The following MYH9 variants were observed in gnomAD, a reference collection of about 807,000 sequenced individuals.
The protein encoded by MYH9 is myosin-9.
Under a neutral mutation model 241.9 loss-of-function variants are expected in MYH9, and 29 were observed. The observed-to-expected ratio is 0.12, with a 90% CI of 0.09 to 0.16. The LOEUF is 0.16. MYH9 is among the 10% of genes least tolerant of loss of function. The probability of loss-of-function intolerance (pLI) is 1.00; values close to 1 mark genes in which losing one functional copy is unlikely to be tolerated. For synonymous variants in MYH9, 1,047 were observed against 1,062.6 expected, an observed-to-expected ratio of 0.99 and a Z score of 0.29; for missense variants, 1,803 against 2,595.5, an observed-to-expected ratio of 0.69 and a Z score of 6.63.
intron 10 of MYH9, among the ~76,000 whole-genome samples, chr22:36,318,621 G>A (rs1038774012): frequency 1.5e-4 from 23 of 152,132 alleles, no homozygotes; most frequent in Admixed American, 1.4e-3. Context: ...CTGGCTGGAG[G>A]CCACAGCGGC....
rs994758005 is a variant in MYH9, at chr22:36,300,836, G to A, written c.2838+15C>T. ...CCTCCGGCGCCACCCCTCCCCGGGT[G>A]CAGCGGGCAGGAACCTGGATGTTCT... On this transcript the variant is annotated intron_variant, in intron 22 of 40. Transcript: ENST00000216181. The surrounding 1 kb of genome is among the most constrained non-coding windows in gnomAD (Gnocchi z 5.0). 1 of 1,599,554 alleles carries A rather than the reference G, an allele frequency of 6.3e-7. No individual in the cohort carries two copies. Among genetic ancestry groups the A allele is most frequent in the Non-Finnish European group, 8.5e-7 (1 of 1,179,842 alleles).
At chr22:36,328,591 T>C (rs1424727426) in intron 3 of MYH9, among the ~76,000 whole-genome samples, 6 of 152,110 alleles carry the variant, frequency 3.9e-5, no homozygotes, top group African/African-American at 9.7e-5. Flanking sequence ...GTTTGAAAAA[T>C]AGAAATAACA....
intron 3 of MYH9, among the ~76,000 whole-genome samples, chr22:36,327,970 C>T (rs1039740926): frequency 3.9e-5 from 6 of 152,208 alleles, no homozygotes; most frequent in Non-Finnish European, 5.9e-5. Context: ...GGCTTTGCAA[C>T]GGGACAGCCC....
chr22:36,311,470 G>A (rs2017062572), intron 14 of MYH9, among the ~76,000 whole-genome samples: 1 of 146,484 alleles, frequency 6.8e-6, no homozygotes, highest in Non-Finnish European at 1.5e-5. Context: ...AGCCAGGGAT[G>A]CTGGTAAACA....
rs181932742 is a variant in MYH9 at position 36,321,897 on chromosome 22, C to T, written c.706-76G>A. ...CTAGAGAGCACGGGGGAGACCACAG[C>T]CCCCCGCCCCACCTCCGGTGGGCAC... On this transcript the variant is annotated intron_variant, in intron 6 of 40. Coordinates refer to ENST00000216181, the MANE Select transcript of MYH9 (RefSeq NM_002473.6). 2.3e-6 allele frequency: 3 copies of T among 1,276,744 alleles called. No homozygotes were observed. In the African/African-American group the frequency reaches 4.4e-5, roughly 19 times the overall value. The allele number at this position is 1,276,744 out of a possible 1,614,324, so 79.1% of individuals were successfully genotyped here.
At position 36,320,901 on chromosome 22, in the gene MYH9, G is replaced by A; in HGVS notation, c.770-5C>T. The A allele has an allele frequency of 6.2e-7, 1 of 1,612,616 alleles. No individual in the cohort carries two copies. The highest frequency in any genetic ancestry group is 8.5e-7 in the Non-Finnish European group (1 of 1,178,990). The stretch of plus-strand genomic sequence containing the variant: ...CACGAGATTTCTCCAAAAGATCTTT[G>A]CAAATATTAAGGAGCAACACAAGCT... On this transcript the variant is annotated splice_region_variant and splice_polypyrimidine_tract_variant and intron_variant, in intron 7 of 40. Coordinates refer to ENST00000216181, the MANE Select transcript of MYH9 (RefSeq NM_002473.6). This position sits in a 1 kb window ranked among gnomAD's most constrained non-coding sequence, Gnocchi z 4.8.
intron 3 of MYH9, among the ~76,000 whole-genome samples, chr22:36,335,738 GA>G: frequency 6.6e-6 from 1 of 152,332 alleles, no homozygotes; most frequent in African/African-American, 2.4e-5. Context: ...CAGAGAAAAT[GA>G]GGGGCACCAA....
At chr22:36,363,542 A>T (rs912962798) in intron 1 of MYH9, among the ~76,000 whole-genome samples, 2 of 152,204 alleles carry the variant, frequency 1.3e-5, no homozygotes, top group Non-Finnish European at 2.9e-5. Context: ...GAGGCCAGGC[A>T]GACAGACCTA....
At chr22:36,386,502 G>C (rs1466622126) in intron 1 of MYH9, among the ~76,000 whole-genome samples, 2 of 152,184 alleles carry the variant, frequency 1.3e-5, no homozygotes, top group Non-Finnish European at 2.9e-5. Flanking sequence ...TGCGCTGCAC[G>C]GAGAAGGAGC....
intron 1 of MYH9, among the ~76,000 whole-genome samples, chr22:36,385,228 G>T (rs1214383993): frequency 6.6e-6 from 1 of 151,714 alleles, no homozygotes; most frequent in Non-Finnish European, 1.5e-5. Flanking sequence ...CCAAGAGAAG[G>T]GTAGGGCCAG....
rs555221852 is a variant in MYH9, at chr22:36,309,496, G to C, written c.1729-100C>G. 4.7e-6 allele frequency: 4 copies of C among 844,710 alleles called. No homozygotes were observed. The East Asian group carries it at 7.5e-5, about 16-fold the overall frequency. 52.3% of individuals were successfully genotyped at this position (844,710 alleles called of 1,614,324 possible). A position where few individuals can be genotyped will look rare whatever the true frequency, so the allele number is the denominator to read the frequency against. Reference sequence around the variant, plus strand: ...GCTAACCCCATGCATGGAAAAGTCAGAAAACGTGAAGACCCTTTGATCCAG... The same window carrying C: ...GCTAACCCCATGCATGGAAAAGTCACAAAACGTGAAGACCCTTTGATCCAG... On this transcript the variant is annotated intron_variant, in intron 14 of 40. Transcript: ENST00000216181.
chr22:36,300,842 G>T lies in MYH9; in HGVS notation c.2838+9C>A. 6.3e-7 allele frequency: 1 copy of T among 1,599,984 alleles called. No individual in the cohort carries two copies. On this transcript the variant is annotated intron_variant, in intron 22 of 40. Transcript: ENST00000216181. This position sits in a 1 kb window ranked among gnomAD's most constrained non-coding sequence, Gnocchi z 5.0. The stretch of plus-strand genomic sequence containing the variant: ...GCGCCACCCCTCCCCGGGTGCAGCG[G>T]GCAGGAACCTGGATGTTCTGCTGCA...
In MYH9 at chr22:36,281,647, G is replaced by A. The variant is rs1280496372; in HGVS notation, c.*1021C>T. 1.3e-5 allele frequency: 3 copies of A among 230,298 alleles called. No individual in the cohort carries two copies. Among genetic ancestry groups the A allele is most frequent in the South Asian group, 1.8e-4 (1 of 5,488 alleles). The allele number at this position is 230,298 out of a possible 1,614,324, so 14.3% of individuals were successfully genotyped here. On this transcript the variant is annotated 3_prime_UTR_variant, in exon 41 of 41. Transcript: ENST00000216181. ...TAAACAAAGGCAGTGAGAAAGACTC[G>A]GAATTTTATCATTTATTACAAGAAA...
chr22:36,327,852 G>A (rs1161099537), intron 3 of MYH9, among the ~76,000 whole-genome samples: 2 of 152,166 alleles, frequency 1.3e-5, no homozygotes, highest in Non-Finnish European at 2.9e-5. Flanking sequence ...AACGGGGTGG[G>A]GGGCTGAAGC....
intron 1 of MYH9, among the ~76,000 whole-genome samples, chr22:36,363,764 T>C (rs1415189101): frequency 6.6e-6 from 1 of 152,170 alleles, no homozygotes; most frequent in Non-Finnish European, 1.5e-5. Context: ...TGATCCCCTT[T>C]GACTCACCCC....
Position 36,294,918 on chromosome 22 carries a change from G to A in MYH9, c.3630+14C>T, listed in dbSNP as rs2016764783. On this transcript the variant is annotated intron_variant, in intron 27 of 40. Coordinates refer to ENST00000216181, the MANE Select transcript of MYH9 (RefSeq NM_002473.6). ...ACCCTGCCCTCCCCCTGCGGTCTCA[G>A]GGAGGCTCCGCACCCGCTTCGTCTG... The A allele has an allele frequency of 6.2e-7, 1 of 1,611,160 alleles. No individual in the cohort carries two copies. The highest frequency in any genetic ancestry group is 1.3e-5 in the African/African-American group (1 of 74,892).
intron 1 of MYH9, among the ~76,000 whole-genome samples, chr22:36,352,174 A>T (rs1023969342): frequency 5.9e-5 from 9 of 152,168 alleles, no homozygotes; most frequent in African/African-American, 2.2e-4. Context: ...CTGGGCCCTA[A>T]CTGTCCCCAC....
At position 36,288,592 on chromosome 22, in the gene MYH9, C is replaced by T. The variant is rs909000373; in HGVS notation, c.4770+135G>A. ...AGTCACTGAACCCCGAGACAGGAGG[C>T]TAGAAAGAAGGAATATGGGAGGGGA... On this transcript the variant is annotated intron_variant, in intron 33 of 40. Transcript: ENST00000216181. The surrounding 1 kb of genome is among the most constrained non-coding windows in gnomAD (Gnocchi z 4.8). 3 of 1,327,734 alleles carry T rather than the reference C, an allele frequency of 2.3e-6. No homozygotes were observed. The highest frequency in any genetic ancestry group is 2.9e-5 in the African/African-American group (2 of 69,214). The allele number at this position is 1,327,734 out of a possible 1,614,324, so 82.2% of individuals were successfully genotyped here. A position where few individuals can be genotyped will look rare whatever the true frequency, so the allele number is the denominator to read the frequency against.
In MYH9 at chr22:36,329,821, G is replaced by A. The variant is rs548695302; in HGVS notation, c.491-2333C>T. ...CACACACATAGACACGCAAGCATCT[G>A]TGCATACACAGTCACATATGGAGGT... On this transcript the variant is annotated intron_variant, in intron 3 of 40. Transcript: ENST00000216181. This position sits in a 1 kb window ranked among gnomAD's most constrained non-coding sequence, Gnocchi z 4.1. 6.6e-6 allele frequency among the ~76,000 whole-genome samples: 1 copy of A among 152,310 alleles called. No individual in the cohort carries two copies. Among genetic ancestry groups the A allele is most frequent in the South Asian group, 2.1e-4 (1 of 4,828 alleles).
Sources: gnomAD v4.1 joint callset for allele counts (sites outside exome capture counted in the v4.1 genomes callset) on GRCh38, gnomAD v4.1.1 for gene constraint, Gnocchi (gnomAD v3.1) non-coding constraint, MANE v1.5 for transcripts, NCBI Gene and HGNC (gene_info 2026-07-23, HGNC 2026-07-21) for gene names.